The following ZCCHC24 variants were observed in gnomAD, a reference collection of about 807,000 sequenced individuals.
ZCCHC24 encodes the protein zinc finger CCHC-type containing 24.
A neutral mutation model predicts 26.2 loss-of-function variants in ZCCHC24; 10 were observed. That is an observed-to-expected ratio of 0.38 (90% CI 0.24 to 0.65). The LOEUF (loss-of-function observed/expected upper bound fraction) is 0.65, where lower values mean the gene tolerates loss of function less well. Among genes scored for constraint, ZCCHC24 ranks in the 30% least tolerant of loss-of-function variants. The pLI is 0.54. For missense variants in ZCCHC24, 243 were observed against 329.1 expected (o/e 0.74, Z 2.03); for synonymous variants, 144 against 147.1 (o/e 0.98, Z 0.15).
In ZCCHC24 at chr10:79,432,635, G is replaced by A; in HGVS notation, c.370C>T (p.Pro124Ser). The A allele has an allele frequency of 6.2e-7, 1 of 1,609,140 alleles. No individual in the cohort carries two copies. The highest frequency in any genetic ancestry group is 8.5e-7 in the Non-Finnish European group (1 of 1,177,626). The change falls in exon 2 of 4, where the codon CCC (proline) becomes TCC (serine). Residue 124 changes from proline (P) to serine (S), a missense_variant. Coordinates refer to ENST00000372336, the MANE Select transcript of ZCCHC24 (RefSeq NM_153367.4). ...TAGTTGGGTGGGGGCCGCTTGCTGG[G>A]CTTGCGAGCCTCGGAGGTGAGGGTC... is the stretch of plus-strand genomic sequence containing the variant. ...DLTLTSEARK[P>S]SKRPPPNYLC...
intron 2 of ZCCHC24, chr10:79,403,583 G>C: frequency 1.0e-6 from 1 of 985,420 alleles, no homozygotes; most frequent in Non-Finnish European, 1.2e-6. Flanking sequence ...GAGGAAGGAC[G>C]CGGCAAGAGG....
At chr10:79,445,018 C>T (rs1262052228) in intron 1 of ZCCHC24, among the ~76,000 whole-genome samples, 177 bp downstream of exon 1, 1 of 152,192 alleles carries the variant, frequency 6.6e-6, no homozygotes, top group Non-Finnish European at 1.5e-5. Context: ...CACCCGGCAC[C>T]CCGGGGACTT....
intron 2 of ZCCHC24, among the ~76,000 whole-genome samples, chr10:79,427,426 T>G (rs1564639141): frequency 6.6e-6 from 1 of 152,160 alleles, no homozygotes; most frequent in Non-Finnish European, 1.5e-5. Flanking sequence ...CCAGAATAAC[T>G]CATAATGTTA....
intron 1 of ZCCHC24, among the ~76,000 whole-genome samples, chr10:79,441,079 AACACACACACACAC>A (rs55762333): frequency 2.9e-5 from 4 of 135,662 alleles, no homozygotes; most frequent in South Asian, 2.5e-4. Context: ...CTGCCCCCTA[AACACACACACACAC>A]ACACACACAC....
chr10:79,445,067 A>AAGCCGGGCCCGGCAATGCGG, intron 1 of ZCCHC24, 128 bp downstream of exon 1: 1 of 1,008,200 alleles, frequency 9.9e-7, no homozygotes. Flanking sequence ...AAGCCAAGCC[A>AAGCCGGGCCCGGCAATGCGG]AGCCGGGCCC....
chr10:79,412,424 C>G (rs140286719), intron 2 of ZCCHC24, among the ~76,000 whole-genome samples: 1 of 152,238 alleles, frequency 6.6e-6, no homozygotes, highest in Admixed American at 6.5e-5. Context: ...TTGGCAGCCC[C>G]GCGTACGTAC....
intron 2 of ZCCHC24, among the ~76,000 whole-genome samples, chr10:79,416,611 G>C (rs920735413): frequency 6.6e-6 from 1 of 152,208 alleles, no homozygotes; most frequent in Admixed American, 6.5e-5. Flanking sequence ...GGTACATGGA[G>C]GATGCTCAGT....
chr10:79,405,185 G>A (rs148733499), intron 2 of ZCCHC24, among the ~76,000 whole-genome samples: 24 of 152,298 alleles, frequency 1.6e-4, no homozygotes, highest in African/African-American at 5.3e-4. Flanking sequence ...CCTAGGTCAT[G>A]TCCTGCCCTG....
intron 1 of ZCCHC24, among the ~76,000 whole-genome samples, chr10:79,438,394 C>T (rs75731647): frequency 1.6e-4 from 24 of 152,282 alleles, no homozygotes; most frequent in African/African-American, 4.3e-4. Flanking sequence ...GGACACCAGC[C>T]GGTCTCAGGG....
intron 1 of ZCCHC24, among the ~76,000 whole-genome samples, chr10:79,441,503 T>C (rs1387228033): frequency 1.3e-5 from 2 of 151,410 alleles, no homozygotes; most frequent in African/African-American, 4.9e-5. Flanking sequence ...TTCCTAAAGG[T>C]TGGAACTATC....
Position 79,397,930 on chromosome 10 carries a change from C to T in ZCCHC24, c.448-3490G>A, listed in dbSNP as rs576650826. 7.9e-5 allele frequency among the ~76,000 whole-genome samples: 12 copies of T among 152,302 alleles called. No individual in the cohort carries two copies. The South Asian group carries it at 2.5e-3, about 32-fold the overall frequency. ...CTTCAGAAATGAACGGGAAGAAAAC[C>T]CACACAGATAAAGAAGACACTGAGT... is the stretch of plus-strand genomic sequence containing the variant. On this transcript the variant is annotated intron_variant, in intron 2 of 3. Coordinates refer to ENST00000372336, the MANE Select transcript of ZCCHC24 (RefSeq NM_153367.4).
rs903876072 is a variant in ZCCHC24, at chr10:79,432,702, G to A, written c.303C>T (p.Ile101=). 8 of 1,608,970 alleles carry A rather than the reference G, an allele frequency of 5.0e-6. No individual in the cohort carries two copies. Among genetic ancestry groups the A allele is most frequent in the South Asian group, 2.2e-5 (2 of 90,520 alleles). The change falls in exon 2 of 4, where the codon ATC becomes ATT. Residue 101 remains isoleucine (I), a synonymous_variant. Transcript: ENST00000372336. ...CGGTGAGGGAGCTGAGGCCATCGGC[G>A]ATGTTGTTGAGGGAGCCATAGGGTG... The part of the protein sequence containing the change: ...GASPYGSLNN[I]ADGLSSLTEH...
rs185045421 is a variant in ZCCHC24 at position 79,420,100 on chromosome 10, C to T, written c.447+12458G>A. Among the ~76,000 whole-genome samples the T allele has an allele frequency of 6.0e-4, 91 of 150,808 alleles. 1 individual carries two copies. The highest frequency in any genetic ancestry group is 1.9e-3 in the African/African-American group (79 of 40,970). ...CCTGCTCCACCCCCAGCAGCTGCTC[C>T]TAGGCAAGCACTTGGAGAGAGATTC... On this transcript the variant is annotated intron_variant, in intron 2 of 3. Transcript: ENST00000372336.
At position 79,385,858 on chromosome 10, in the gene ZCCHC24, G is replaced by T; in HGVS notation, c.*487C>A. On this transcript the variant is annotated 3_prime_UTR_variant, in exon 4 of 4. Coordinates refer to ENST00000372336, the MANE Select transcript of ZCCHC24 (RefSeq NM_153367.4). This position sits in a 1 kb window ranked among gnomAD's most constrained non-coding sequence, Gnocchi z 4.3. ...GTTGGAACACATGTCCCCTTGCCAC[G>T]ATTGCTGACTCAGGAAAGAGGGATT... 1 of 286,606 alleles carries T rather than the reference G, an allele frequency of 3.5e-6. No individual in the cohort carries two copies. Among genetic ancestry groups the T allele is most frequent in the Non-Finnish European group, 6.5e-6 (1 of 153,696 alleles). 17.8% of individuals were successfully genotyped at this position (286,606 alleles called of 1,614,324 possible). A position where few individuals can be genotyped will look rare whatever the true frequency, so the allele number is the denominator to read the frequency against.
At chr10:79,438,222 A>T (rs1007227658) in intron 1 of ZCCHC24, among the ~76,000 whole-genome samples, 1 of 152,222 alleles carries the variant, frequency 6.6e-6, no homozygotes, top group Non-Finnish European at 1.5e-5. Flanking sequence ...CACCCCACAG[A>T]CACGCGCACA....
chr10:79,423,959 A>G (rs1301982968), intron 2 of ZCCHC24, among the ~76,000 whole-genome samples: 2 of 150,412 alleles, frequency 1.3e-5, no homozygotes, highest in Non-Finnish European at 3.0e-5. Flanking sequence ...TGGAGGTTGC[A>G]GTGAGCTGAG....
intron 2 of ZCCHC24, among the ~76,000 whole-genome samples, chr10:79,427,806 G>A (rs965992038): frequency 4.6e-5 from 7 of 152,134 alleles, no homozygotes; most frequent in African/African-American, 1.7e-4. Context: ...TTGAGCCCAG[G>A]AGTTTGAGTC....
At position 79,418,201 on chromosome 10, in the gene ZCCHC24, A is replaced by G. The variant is rs143426983; in HGVS notation, c.447+14357T>C. On this transcript the variant is annotated intron_variant, in intron 2 of 3. Coordinates refer to ENST00000372336, the MANE Select transcript of ZCCHC24 (RefSeq NM_153367.4). Reference sequence around the variant, plus strand: ...CTCGCTGGGCAGTGGAGCAAATGGTATAACTTCACAGTTCTCAAAGCGCGT... The same window carrying G: ...CTCGCTGGGCAGTGGAGCAAATGGTGTAACTTCACAGTTCTCAAAGCGCGT... Among the ~76,000 whole-genome samples the G allele has an allele frequency of 7.2e-5, 11 of 152,344 alleles. No homozygotes were observed. The East Asian group carries it at 1.9e-3, about 27-fold the overall frequency.
At chr10:79,420,996 A>ACTG (rs1856926138) in intron 2 of ZCCHC24, among the ~76,000 whole-genome samples, 1 of 152,184 alleles carries the variant, frequency 6.6e-6, no homozygotes, top group South Asian at 2.1e-4. Context: ...GGCACATAGC[A>ACTG]CTGCTGCTAC....
Sources: gnomAD v4.1 joint callset for allele counts (sites outside exome capture counted in the v4.1 genomes callset) on GRCh38, gnomAD v4.1.1 for gene constraint, Gnocchi (gnomAD v3.1) non-coding constraint, MANE v1.5 for transcripts, NCBI Gene and HGNC (gene_info 2026-07-23, HGNC 2026-07-21) for gene names.